Variants in CD38 observed in about 807,000 individuals in gnomAD.
CD38 encodes CD38 molecule.
In CD38, 31 loss-of-function variants were observed where a neutral mutation model predicts 36.3. That is an observed-to-expected ratio of 0.85 (90% CI 0.64 to 1.15). The LOEUF is 1.15. Ranked by LOEUF, CD38 falls within the 50% of genes most tolerant of loss-of-function variation. CD38 has a pLI of 0.00. For missense variants in CD38, 380 were observed against 371.9 expected (o/e 1.02, Z -0.18); for synonymous variants, 131 against 135.2 (o/e 0.97, Z 0.22).
intron 2 of CD38, among the ~76,000 whole-genome samples, chr4:15,817,991 C>T (rs969838492): frequency 1.3e-5 from 2 of 152,104 alleles, no homozygotes; most frequent in Admixed American, 6.5e-5. Context: ...GCCTGAAACC[C>T]CAGTGAGACA....
chr4:15,798,403 C>G (rs1723145987), intron 1 of CD38, among the ~76,000 whole-genome samples: 1 of 152,206 alleles, frequency 6.6e-6, no homozygotes, highest in Non-Finnish European at 1.5e-5. Flanking sequence ...AGCACACCCC[C>G]ATTTCAAGTC....
chr4:15,797,819 C>T (rs1347614567), intron 1 of CD38, among the ~76,000 whole-genome samples: 1 of 152,104 alleles, frequency 6.6e-6, no homozygotes. Context: ...GCCCAAATTT[C>T]CCCTTTTCAT....
chr4:15,788,212 G>A (rs1436548456), intron 1 of CD38, among the ~76,000 whole-genome samples: 4 of 152,138 alleles, frequency 2.6e-5, no homozygotes, highest in African/African-American at 7.2e-5. Flanking sequence ...GCCCATGATG[G>A]GCATTGCTGA....
chr4:15,840,316 A>G, intron 6 of CD38, 136 bp from the exon 7 acceptor site: 1 of 728,486 alleles, frequency 1.4e-6, no homozygotes, highest in Non-Finnish European at 2.4e-6. Context: ...CTGCTGACCC[A>G]GGAGCTCTTA....
chr4:15,840,369 C>T (rs78164173), intron 6 of CD38, 83 bp from the exon 7 acceptor site: 43 of 920,438 alleles, frequency 4.7e-5, no homozygotes, highest in Middle Eastern at 2.2e-4. Context: ...AGGGCCTTGT[C>T]CAGGGCGTGC....
intron 1 of CD38, among the ~76,000 whole-genome samples, chr4:15,791,184 GC>G (rs1409887391): frequency 2.0e-5 from 2 of 99,034 alleles, no homozygotes; most frequent in African/African-American, 5.8e-5. Flanking sequence ...GGGGGGGTCA[GC>G]CCCCCGCCCG....
chr4:15,832,005 CTG>C, intron 3 of CD38, among the ~76,000 whole-genome samples: 1 of 152,166 alleles, frequency 6.6e-6, no homozygotes, highest in East Asian at 1.9e-4. Context: ...TCTCCTCTGA[CTG>C]TGTATTTTCA....
intron 1 of CD38, among the ~76,000 whole-genome samples, chr4:15,790,313 C>T (rs1441740451): frequency 6.6e-6 from 1 of 152,130 alleles, no homozygotes; most frequent in African/African-American, 2.4e-5. Context: ...CTGCCGAGTG[C>T]CTGCGCACGC....
intron 1 of CD38, among the ~76,000 whole-genome samples, chr4:15,805,976 G>T (rs1484760708): frequency 6.6e-6 from 1 of 152,182 alleles, no homozygotes; most frequent in East Asian, 1.9e-4. Context: ...TTAGGCAAGA[G>T]GATTTAGGGG....
At chr4:15,811,930 T>G (rs1379304373) in intron 1 of CD38, among the ~76,000 whole-genome samples, 1 of 152,212 alleles carries the variant, frequency 6.6e-6, no homozygotes. Flanking sequence ...GGCTCAGGTT[T>G]CTTGCTTTTA....
chr4:15,801,317 A>G (rs921017117), intron 1 of CD38, among the ~76,000 whole-genome samples: 1 of 152,024 alleles, frequency 6.6e-6, no homozygotes, highest in Non-Finnish European at 1.5e-5. Flanking sequence ...CCCAATTAAA[A>G]AAAAAAGCTC....
At chr4:15,799,370 GT>G (rs780178619) in intron 1 of CD38, among the ~76,000 whole-genome samples, 41 of 152,090 alleles carry the variant, frequency 2.7e-4, no homozygotes, top group Non-Finnish European at 5.1e-4. Flanking sequence ...TGGTCTGTTT[GT>G]CGCTATACCA....
intron 1 of CD38, among the ~76,000 whole-genome samples, chr4:15,786,590 T>C (rs1289920462): frequency 6.6e-6 from 1 of 152,260 alleles, no homozygotes; most frequent in South Asian, 2.1e-4. Flanking sequence ...CACAGAGTGC[T>C]GATTGGTGTA....
chr4:15,792,689 C>A (rs1221357381), intron 1 of CD38, among the ~76,000 whole-genome samples: 1 of 152,030 alleles, frequency 6.6e-6, no homozygotes, highest in African/African-American at 2.4e-5. Context: ...ATAATTTTGT[C>A]TGTAAATCTT....
At chr4:15,818,801 A>C (rs1470990876) in intron 2 of CD38, among the ~76,000 whole-genome samples, 1 of 152,168 alleles carries the variant, frequency 6.6e-6, no homozygotes, top group Non-Finnish European at 1.5e-5. Flanking sequence ...TAAAAGAAAA[A>C]ACAGAAAGCA....
At chr4:15,808,079 CTCTT>C (rs1245527838) in intron 1 of CD38, among the ~76,000 whole-genome samples, 1 of 152,150 alleles carries the variant, frequency 6.6e-6, no homozygotes, top group Non-Finnish European at 1.5e-5. Context: ...TTGCTTGAGA[CTCTT>C]TATTACCTGT....
In CD38 at chr4:15,807,869, G is replaced by A. The variant is rs574566029; in HGVS notation, c.234-8642G>A. Among the ~76,000 whole-genome samples, 59 of 152,308 alleles carry A rather than the reference G, an allele frequency of 3.9e-4. 1 individual carries two copies. Among genetic ancestry groups the A allele is most frequent in the South Asian group, 3.3e-3 (16 of 4,830 alleles). On this transcript the variant is annotated intron_variant, in intron 1 of 7. Transcript: ENST00000226279. ...CAGAATCCGTGAGGCATGATTCCCT[G>A]GAAGATCATGTAAGCTGTACAATTC...
At chr4:15,787,792 A>G (rs3775954) in intron 1 of CD38, among the ~76,000 whole-genome samples, 92,110 of 152,050 alleles carry the variant, frequency 0.61, 30,161 homozygotes, top group African/African-American at 0.87. Flanking sequence ...CAGCAGTCTC[A>G]ATAAACTGGA....
At chr4:15,833,203 T>G (rs1409696241) in intron 3 of CD38, among the ~76,000 whole-genome samples, 2 of 152,170 alleles carry the variant, frequency 1.3e-5, no homozygotes, top group African/African-American at 4.8e-5. Context: ...CCAAGCCCAG[T>G]TGGTGCTCTA....
Sources: allele counts gnomAD v4.1 joint callset (sites outside exome capture counted in the v4.1 genomes callset), GRCh38; gene constraint gnomAD v4.1.1; transcripts MANE v1.5; gene names NCBI Gene and HGNC (gene_info 2026-07-23, HGNC 2026-07-21).